Variants in DGKI observed in about 807,000 individuals in gnomAD.
DGKI encodes DAG kinase iota.
DGKI carries 55 observed loss-of-function variants against 147.5 expected under a neutral mutation model. The observed-to-expected ratio is 0.37, with a 90% CI of 0.30 to 0.47. DGKI has a LOEUF of 0.47. Ranked by LOEUF, DGKI falls within the 20% of genes least tolerant of loss-of-function variation. The probability of loss-of-function intolerance (pLI) is 1.00; values close to 1 mark genes in which losing one functional copy is unlikely to be tolerated. For synonymous variants in DGKI, 469 were observed against 477.1 expected, an observed-to-expected ratio of 0.98 and a Z score of 0.22; for missense variants, 1,007 against 1,323.8, an observed-to-expected ratio of 0.76 and a Z score of 3.71.
intron 1 of DGKI, among the ~76,000 whole-genome samples, chr7:137,704,623 C>T (rs1793952858): frequency 6.6e-6 from 1 of 151,978 alleles, no homozygotes; most frequent in African/African-American, 2.4e-5. Flanking sequence ...CAGAAAATTC[C>T]CAATCTTGAG....
intron 20 of DGKI, among the ~76,000 whole-genome samples, chr7:137,535,655 G>A (rs1817492611): frequency 1.3e-5 from 2 of 152,082 alleles, no homozygotes; most frequent in Admixed American, 6.6e-5. Flanking sequence ...TGTATGAAAA[G>A]TGCTGAGTGG....
At chr7:137,523,534 T>C (rs1362444486) in intron 20 of DGKI, among the ~76,000 whole-genome samples, 1 of 151,626 alleles carries the variant, frequency 6.6e-6, no homozygotes, top group Non-Finnish European at 1.5e-5. Flanking sequence ...TAAAGAGAGA[T>C]GGTAGGCAGG....
intron 20 of DGKI, among the ~76,000 whole-genome samples, chr7:137,545,265 T>C (rs1196025296): frequency 6.6e-6 from 1 of 152,182 alleles, no homozygotes; most frequent in Non-Finnish European, 1.5e-5. Context: ...GCATATGTGA[T>C]ATGGAGAAAA....
chr7:137,717,987 G>A (rs1794431590), intron 1 of DGKI, among the ~76,000 whole-genome samples: 1 of 152,214 alleles, frequency 6.6e-6, no homozygotes, highest in South Asian at 2.1e-4. Flanking sequence ...ACCAGGACAA[G>A]AGGAGTACTG....
chr7:137,819,833 T>C (rs1797845832), intron 1 of DGKI, among the ~76,000 whole-genome samples: 1 of 152,188 alleles, frequency 6.6e-6, no homozygotes, highest in Non-Finnish European at 1.5e-5. Flanking sequence ...AAACAACTTG[T>C]CTTTTCTAGA....
At chr7:137,766,714 C>G (rs1380854774) in intron 1 of DGKI, among the ~76,000 whole-genome samples, 1 of 152,140 alleles carries the variant, frequency 6.6e-6, no homozygotes, top group Non-Finnish European at 1.5e-5. Flanking sequence ...TCCTCAGGAA[C>G]TAGGGACTCA....
chr7:137,839,505 T>G (rs1161758971), intron 1 of DGKI, among the ~76,000 whole-genome samples: 1 of 152,218 alleles, frequency 6.6e-6, no homozygotes, highest in Non-Finnish European at 1.5e-5. Flanking sequence ...TTGTGACTCA[T>G]TTAAATGTCA....
chr7:137,441,200 C>A (rs182225181), intron 28 of DGKI, among the ~76,000 whole-genome samples: 4 of 151,970 alleles, frequency 2.6e-5, no homozygotes, highest in African/African-American at 9.6e-5. Context: ...GTGGGCGAAT[C>A]GAGAGGTCAG....
At chr7:137,694,960 T>C (rs1823735306) in intron 1 of DGKI, among the ~76,000 whole-genome samples, 1 of 152,232 alleles carries the variant, frequency 6.6e-6, no homozygotes, top group Non-Finnish European at 1.5e-5. Context: ...ATTATTTTAA[T>C]GTACATTGAA....
At chr7:137,392,809 G>C (rs1038112706) in intron 32 of DGKI, among the ~76,000 whole-genome samples, 1 of 151,814 alleles carries the variant, frequency 6.6e-6, no homozygotes, top group East Asian at 1.9e-4. Context: ...CTGAGGAACT[G>C]AACTCTAATA....
chr7:137,678,677 A>G (rs1351970930), intron 2 of DGKI, 25 bp from the exon 3 acceptor site: 3 of 1,605,966 alleles, frequency 1.9e-6, no homozygotes, highest in Non-Finnish European at 2.6e-6. Flanking sequence ...CCCACCTGAC[A>G]TCAATTTTTT....
chr7:137,636,805 G>A (rs1159796412), intron 6 of DGKI, among the ~76,000 whole-genome samples: 1 of 152,162 alleles, frequency 6.6e-6, no homozygotes, highest in African/African-American at 2.4e-5. Context: ...TTCTCTATTA[G>A]TTCCAGTGAC....
intron 1 of DGKI, among the ~76,000 whole-genome samples, chr7:137,758,997 G>A (rs533091702): frequency 3.9e-5 from 6 of 151,916 alleles, no homozygotes; most frequent in African/African-American, 7.3e-5. Context: ...GGATACATGC[G>A]CATGCTTGTT....
intron 27 of DGKI, chr7:137,454,887 T>TC (rs1397903613): frequency 6.6e-6 from 1 of 152,146 alleles, no homozygotes; most frequent in Non-Finnish European, 1.5e-5. Flanking sequence ...GACTTCTTTT[T>TC]TTTCTTTTTA....
intron 28 of DGKI, among the ~76,000 whole-genome samples, chr7:137,414,372 C>G (rs538766404): frequency 1.0e-3 from 159 of 152,242 alleles, no homozygotes; most frequent in African/African-American, 3.7e-3. Context: ...CCATAACAAG[C>G]TATAAGCAGC....
At position 137,835,061 on chromosome 7, in the gene DGKI, C is replaced by T. The variant is rs562534526; in HGVS notation, c.401+11401G>A. 1.7e-3 allele frequency among the ~76,000 whole-genome samples: 256 copies of T among 152,256 alleles called. 1 individual carries two copies. The highest frequency in any genetic ancestry group is 5.5e-3 in the African/African-American group (229 of 41,542). On this transcript the variant is annotated intron_variant, in intron 1 of 32. Coordinates refer to ENST00000614521, the MANE Select transcript of DGKI (RefSeq NM_001321708.2). ...ATTTTGAAGAGCTTTCAGCTGCCAGCGAAAGCTCAATACAATGAAATCTTG... is the reference window on the plus strand; with the variant it reads ...ATTTTGAAGAGCTTTCAGCTGCCAGTGAAAGCTCAATACAATGAAATCTTG...
At chr7:137,408,196 G>T (rs1251999635) in intron 29 of DGKI, among the ~76,000 whole-genome samples, 4 of 152,214 alleles carry the variant, frequency 2.6e-5, no homozygotes, top group African/African-American at 9.6e-5. Context: ...TCTAACTCTG[G>T]AGAGAGTCTG....
intron 1 of DGKI, among the ~76,000 whole-genome samples, chr7:137,784,505 G>A (rs1796608733): frequency 6.6e-6 from 1 of 152,040 alleles, no homozygotes; most frequent in Non-Finnish European, 1.5e-5. Flanking sequence ...AAATGAGATA[G>A]ATGGCAATAT....
chr7:137,509,454 T>A (rs988941092), intron 21 of DGKI, among the ~76,000 whole-genome samples: 2 of 151,958 alleles, frequency 1.3e-5, no homozygotes, highest in Admixed American at 6.6e-5. Context: ...GCCAGTTGGA[T>A]GGGAAGAGGG....
Sources: gnomAD v4.1 joint callset for allele counts (sites outside exome capture counted in the v4.1 genomes callset) on GRCh38, gnomAD v4.1.1 for gene constraint, MANE v1.5 for transcripts, NCBI Gene and HGNC (gene_info 2026-07-23, HGNC 2026-07-21) for gene names.